Variants in MMP16 observed in about 807,000 individuals in gnomAD.
MMP16 encodes matrix metalloproteinase-16.
MMP16 carries 12 observed loss-of-function variants against 67.8 expected under a neutral mutation model. That is an observed-to-expected ratio of 0.18 (90% confidence interval 0.11 to 0.29). The LOEUF (loss-of-function observed/expected upper bound fraction) is 0.29. MMP16 is among the 10% of genes least tolerant of loss of function. The probability of loss-of-function intolerance (pLI) is 1.00; values close to 1 mark genes in which losing one functional copy is unlikely to be tolerated. For missense variants in MMP16, 475 were observed against 765.7 expected, an observed-to-expected ratio of 0.62 and a Z score of 4.48; for synonymous variants, 249 against 255.9, an observed-to-expected ratio of 0.97 and a Z score of 0.26.
At chr8:88,293,018 C>T (rs957778738) in intron 1 of MMP16, among the ~76,000 whole-genome samples, 2 of 152,150 alleles carry the variant, frequency 1.3e-5, no homozygotes, top group Admixed American at 6.5e-5. Context: ...TCATGTCTAT[C>T]CACTTAACGC....
In MMP16 at chr8:88,213,285, C is replaced by A. The variant is rs372628399; in HGVS notation, c.133-15979G>T. On this transcript the variant is annotated intron_variant, in intron 1 of 9. Transcript: ENST00000286614. ...CATGCCATTCTGACTTGATAAATAC[C>A]GCAAATTAAAATTTGAAATGGGTCA... Among the ~76,000 whole-genome samples the A allele has an allele frequency of 3.9e-5, 6 of 152,052 alleles. No individual in the cohort carries two copies. In the East Asian group the frequency reaches 9.7e-4, roughly 25 times the overall value.
Position 88,118,800 on chromosome 8 carries a change from G to A in MMP16, c.771C>T (p.Ser257=). Residue 257 remains serine, a synonymous_variant, in exon 5 of 10, where the codon TCC becomes TCT. Coordinates refer to ENST00000286614, the MANE Select transcript of MMP16 (RefSeq NM_005941.5). Reference sequence around the variant, plus strand: ...GAGCCATGATGGCAGTGGGGTCATTGGAATGCTCCAATCCCAGAGCATGTC... The same window carrying A: ...GAGCCATGATGGCAGTGGGGTCATTAGAATGCTCCAATCCCAGAGCATGTC... The part of the protein sequence containing the change: ...ELGHALGLEH[S]NDPTAIMAPF... The A allele has an allele frequency of 6.2e-7, 1 of 1,613,248 alleles. No individual in the cohort carries two copies. Among genetic ancestry groups the A allele is most frequent in the East Asian group, 2.2e-5 (1 of 44,746 alleles).
intron 6 of MMP16, among the ~76,000 whole-genome samples, chr8:88,099,905 C>T (rs1008181798): frequency 2.6e-5 from 4 of 151,736 alleles, no homozygotes; most frequent in Non-Finnish European, 5.9e-5. Context: ...GTCTATTTGC[C>T]ACACTGGACT....
chr8:88,083,998 C>T (rs908710841), intron 6 of MMP16, among the ~76,000 whole-genome samples: 2 of 151,946 alleles, frequency 1.3e-5, no homozygotes, highest in African/African-American at 4.8e-5. Context: ...CTACTTTTCC[C>T]CCAATGGTAA....
At chr8:88,087,761 T>G (rs1222097976) in intron 6 of MMP16, among the ~76,000 whole-genome samples, 1 of 151,366 alleles carries the variant, frequency 6.6e-6, no homozygotes, top group Non-Finnish European at 1.5e-5. Flanking sequence ...TGGGACAACA[T>G]AGTGAGATCC....
intron 1 of MMP16, among the ~76,000 whole-genome samples, chr8:88,269,263 A>C (rs1262091337): frequency 6.6e-6 from 1 of 152,126 alleles, no homozygotes; most frequent in Non-Finnish European, 1.5e-5. Flanking sequence ...AGGCATGTAA[A>C]CCGGAGCACC....
intron 6 of MMP16, among the ~76,000 whole-genome samples, chr8:88,107,753 T>C (rs2118400995): frequency 6.6e-6 from 1 of 151,262 alleles, no homozygotes; most frequent in East Asian, 2.0e-4. Flanking sequence ...AGATTGTTTC[T>C]TTTTATATAT....
rs144204877 is a variant in MMP16 at position 88,137,437 on chromosome 8, G to C, written c.710-18576C>G. Among the ~76,000 whole-genome samples the C allele has an allele frequency of 3.4e-3, 516 of 152,066 alleles. 3 individuals are homozygous for C. Among genetic ancestry groups the C allele is most frequent in the Non-Finnish European group, 4.5e-3 (303 of 67,938 alleles). On this transcript the variant is annotated intron_variant, in intron 4 of 9. Coordinates refer to ENST00000286614, the MANE Select transcript of MMP16 (RefSeq NM_005941.5). Reference sequence around the variant, plus strand: ...TCTTTTAACTTTCAATGCTGACATTGAGAAGTCAGGTGCCAATTTTATTTT... The same window carrying C: ...TCTTTTAACTTTCAATGCTGACATTCAGAAGTCAGGTGCCAATTTTATTTT...
At chr8:88,228,253 C>A (rs897182112) in intron 1 of MMP16, among the ~76,000 whole-genome samples, 1 of 152,036 alleles carries the variant, frequency 6.6e-6, no homozygotes, top group Non-Finnish European at 1.5e-5. Context: ...CCCTTAGATG[C>A]ACTTCTAGGA....
chr8:88,124,160 A>G (rs183344541), intron 4 of MMP16, among the ~76,000 whole-genome samples: 55 of 152,064 alleles, frequency 3.6e-4, no homozygotes, highest in African/African-American at 1.3e-3. Flanking sequence ...TTATTTTTAT[A>G]TATGCTCAGA....
At chr8:88,274,558 G>A (rs1810615304) in intron 1 of MMP16, among the ~76,000 whole-genome samples, 1 of 151,950 alleles carries the variant, frequency 6.6e-6, no homozygotes, top group Non-Finnish European at 1.5e-5. Context: ...GAAATGCATT[G>A]AATAAATGCA....
intron 6 of MMP16, among the ~76,000 whole-genome samples, chr8:88,088,247 AGATATC>A (rs1414693760): frequency 5.3e-5 from 8 of 151,030 alleles, no homozygotes; most frequent in South Asian, 4.2e-4. Flanking sequence ...AGATATCTAT[AGATATC>A]TATATATAGA....
At chr8:88,157,376 T>C (rs1379077667) in intron 4 of MMP16, among the ~76,000 whole-genome samples, 3 of 151,684 alleles carry the variant, frequency 2.0e-5, no homozygotes, top group Admixed American at 6.6e-5. Context: ...TATTAAACCA[T>C]CTTATATAAG....
At chr8:88,081,905 T>G (rs1244749217) in intron 6 of MMP16, among the ~76,000 whole-genome samples, 40 of 152,200 alleles carry the variant, frequency 2.6e-4, no homozygotes, top group African/African-American at 9.4e-4. Flanking sequence ...TAGCTGTTTT[T>G]CTTAAAAAAC....
intron 4 of MMP16, among the ~76,000 whole-genome samples, chr8:88,143,649 A>G (rs1184803013): frequency 6.6e-6 from 1 of 152,062 alleles, no homozygotes; most frequent in Non-Finnish European, 1.5e-5. Context: ...GTGATTAGGA[A>G]AAGATTTTAG....
intron 1 of MMP16, among the ~76,000 whole-genome samples, chr8:88,238,539 G>C (rs1012916960): frequency 6.6e-6 from 1 of 151,688 alleles, no homozygotes; most frequent in Non-Finnish European, 1.5e-5. Flanking sequence ...CCGGTGGCTT[G>C]TCTATAATCC....
Position 88,320,915 on chromosome 8 carries a change from AC to A in MMP16, c.132+6159del, listed in dbSNP as rs140854429. Among the ~76,000 whole-genome samples the A allele has an allele frequency of 3.2e-4, 49 of 152,278 alleles. No individual in the cohort carries two copies. The East Asian group carries it at 7.3e-3, about 23-fold the overall frequency. ...CACAATGCCAAACAGTTGTGGTGAA[AC>A]ACCAAGCAAAAAATATCAATTCAGA... On this transcript the variant is annotated intron_variant, in intron 1 of 9. Coordinates refer to ENST00000286614, the MANE Select transcript of MMP16 (RefSeq NM_005941.5).
intron 6 of MMP16, among the ~76,000 whole-genome samples, chr8:88,114,752 ACT>A (rs1403022911): frequency 6.6e-6 from 1 of 151,986 alleles, no homozygotes; most frequent in African/African-American, 2.4e-5. Flanking sequence ...GATTTTAGAA[ACT>A]CTGTCCTGTC....
intron 1 of MMP16, among the ~76,000 whole-genome samples, chr8:88,235,650 C>T (rs539122902): frequency 2.0e-5 from 3 of 152,174 alleles, no homozygotes; most frequent in East Asian, 3.9e-4. Context: ...ATGCTACTAG[C>T]GTTAGAAAGC....
Sources: allele counts gnomAD v4.1 joint callset (sites outside exome capture counted in the v4.1 genomes callset), GRCh38; gene constraint gnomAD v4.1.1; transcripts MANE v1.5; gene names NCBI Gene and HGNC (gene_info 2026-07-23, HGNC 2026-07-21).